The following EYS variants were observed in gnomAD, a reference collection of about 807,000 sequenced individuals.
The protein encoded by EYS is protein eyes shut homolog.
EYS carries 250 observed loss-of-function variants against 282.1 expected under a neutral mutation model. That is an observed-to-expected ratio of 0.89 (90% CI 0.80 to 0.98). EYS has a LOEUF of 0.98. EYS is among the 50% of genes least tolerant of loss of function. EYS has a pLI of 0.00. For missense variants in EYS, 4,016 were observed against 3,709.0 expected, an observed-to-expected ratio of 1.08 and a Z score of -2.15; for synonymous variants, 1,355 against 1,282.9, an observed-to-expected ratio of 1.06 and a Z score of -1.20.
At chr6:65,191,643 T>C (rs78073317) in intron 12 of EYS, among the ~76,000 whole-genome samples, 49 of 151,840 alleles carry the variant, frequency 3.2e-4, no homozygotes, top group Admixed American at 5.3e-4. Context: ...CATCACAGCA[T>C]TGGGAGAGAG....
chr6:63,955,861 A>C (rs1010142946), intron 35 of EYS, among the ~76,000 whole-genome samples: 12 of 152,070 alleles, frequency 7.9e-5, no homozygotes, highest in African/African-American at 2.9e-4. Flanking sequence ...TCCTTCCCTT[A>C]TTTGGACTTT....
At chr6:63,767,651 T>C (rs537149584) in intron 40 of EYS, among the ~76,000 whole-genome samples, 20 of 152,256 alleles carry the variant, frequency 1.3e-4, no homozygotes, top group African/African-American at 4.8e-4. Flanking sequence ...ATGGCTATAC[T>C]GACAAAAACA....
At chr6:63,962,397 T>C (rs1293738853) in intron 35 of EYS, among the ~76,000 whole-genome samples, 1 of 151,776 alleles carries the variant, frequency 6.6e-6, no homozygotes, top group Non-Finnish European at 1.5e-5. Flanking sequence ...TACAAAGAAC[T>C]CAAACAAATT....
At chr6:64,085,131 C>A (rs1772099973) in intron 31 of EYS, among the ~76,000 whole-genome samples, 1 of 151,950 alleles carries the variant, frequency 6.6e-6, no homozygotes, top group African/African-American at 2.4e-5. Context: ...GTGCATGCCA[C>A]CATGTCTGGC....
intron 28 of EYS, among the ~76,000 whole-genome samples, chr6:64,406,131 A>G (rs568539619): frequency 1.3e-5 from 2 of 152,344 alleles, no homozygotes; most frequent in Admixed American, 6.5e-5. Flanking sequence ...CCAGTGGAAC[A>G]TAACAGAGGC....
At chr6:64,457,189 T>C (rs1041025545) in intron 26 of EYS, among the ~76,000 whole-genome samples, 1 of 152,050 alleles carries the variant, frequency 6.6e-6, no homozygotes, top group African/African-American at 2.4e-5. Flanking sequence ...ATTTCTTTTG[T>C]TATTGATTTC....
At chr6:64,439,684 T>C (rs1774870717) in intron 26 of EYS, among the ~76,000 whole-genome samples, 1 of 151,888 alleles carries the variant, frequency 6.6e-6, no homozygotes, top group Non-Finnish European at 1.5e-5. Context: ...ATATAAGATA[T>C]TGATACAAAT....
intron 22 of EYS, among the ~76,000 whole-genome samples, chr6:64,657,054 T>A (rs549100849): frequency 6.6e-6 from 1 of 152,328 alleles, no homozygotes; most frequent in East Asian, 1.9e-4. Context: ...TGGGTGCATA[T>A]ATATTTAGGA....
At chr6:63,983,315 A>G (rs1767192233) in intron 35 of EYS, among the ~76,000 whole-genome samples, 1 of 151,812 alleles carries the variant, frequency 6.6e-6, no homozygotes, top group Non-Finnish European at 1.5e-5. Context: ...TGACTTTTCC[A>G]CTAACCATGC....
intron 26 of EYS, among the ~76,000 whole-genome samples, chr6:64,519,627 C>T (rs577411309): frequency 6.3e-4 from 96 of 151,866 alleles, no homozygotes; most frequent in South Asian, 1.0e-3. Flanking sequence ...TTTGGAAAAA[C>T]GGTGGCTATA....
intron 22 of EYS, among the ~76,000 whole-genome samples, chr6:64,684,980 T>C (rs1770038462): frequency 6.6e-6 from 1 of 152,042 alleles, no homozygotes; most frequent in South Asian, 2.1e-4. Context: ...TAAGTGCATA[T>C]AAAAGGTAGA....
intron 29 of EYS, among the ~76,000 whole-genome samples, chr6:64,320,961 A>C (rs1461203955): frequency 3.3e-5 from 5 of 151,794 alleles, no homozygotes; most frequent in African/African-American, 1.2e-4. Flanking sequence ...GCTTATAATA[A>C]TGGAATGAAC....
chr6:64,647,659 T>G (rs1315970128), intron 22 of EYS, among the ~76,000 whole-genome samples: 1 of 152,192 alleles, frequency 6.6e-6, no homozygotes, highest in Non-Finnish European at 1.5e-5. Flanking sequence ...GAACATACAT[T>G]GTTTCTATAG....
chr6:64,557,856 A>G (rs1357848421), intron 26 of EYS, among the ~76,000 whole-genome samples: 1 of 151,494 alleles, frequency 6.6e-6, no homozygotes, highest in Non-Finnish European at 1.5e-5. Context: ...GGCTGCTTTC[A>G]TACTACAATG....
At chr6:65,374,507 T>TC (rs2150344222) in intron 8 of EYS, among the ~76,000 whole-genome samples, 1 of 150,026 alleles carries the variant, frequency 6.7e-6, no homozygotes, top group East Asian at 1.9e-4. Flanking sequence ...GCGGAGTTTT[T>TC]TTTTTTTTCG....
intron 12 of EYS, among the ~76,000 whole-genome samples, chr6:65,100,357 G>A (rs1004616048): frequency 8.6e-5 from 13 of 150,444 alleles, no homozygotes; most frequent in African/African-American, 3.2e-4. Context: ...TTAATCAGAA[G>A]TTTTTTTAAT....
chr6:64,564,268 CTTTTTTTTTTTTTTT>C (rs4034161), intron 26 of EYS, among the ~76,000 whole-genome samples: 3 of 59,374 alleles, frequency 5.1e-5, no homozygotes, highest in Admixed American at 3.4e-4. Flanking sequence ...ATCTTTTGTC[CTTTTTTTTTTTTTTT>C]TTTTTTTTTT....
At chr6:63,727,978 AC>A (rs1768684019) in intron 41 of EYS, among the ~76,000 whole-genome samples, 1 of 151,028 alleles carries the variant, frequency 6.6e-6, no homozygotes, top group South Asian at 2.1e-4. Context: ...TTTTTAATAA[AC>A]CCTCCTGGTG....
chr6:65,071,663 A>C (rs912811512), intron 12 of EYS, among the ~76,000 whole-genome samples: 1 of 151,840 alleles, frequency 6.6e-6, no homozygotes, highest in Non-Finnish European at 1.5e-5. Flanking sequence ...ACTGACAACC[A>C]AGGGAAATAA....
Sources: gnomAD v4.1 joint callset for allele counts (sites outside exome capture counted in the v4.1 genomes callset) on GRCh38, gnomAD v4.1.1 for gene constraint, MANE v1.5 for transcripts, NCBI Gene and HGNC (gene_info 2026-07-23, HGNC 2026-07-21) for gene names.